Variants in NPC1 observed in about 807,000 individuals in gnomAD.
The protein encoded by NPC1 is NPC intracellular cholesterol transporter 1.
In NPC1, 85 loss-of-function variants were observed where a neutral mutation model predicts 140.4. That is an observed-to-expected ratio of 0.61 (90% CI 0.51 to 0.72). The LOEUF is 0.72. Ranked by LOEUF, NPC1 falls within the 30% of genes least tolerant of loss-of-function variation. The pLI, the probability that NPC1 is intolerant of heterozygous loss-of-function variation, is 0.00. For missense variants in NPC1, 1,504 were observed against 1,623.8 expected, an observed-to-expected ratio of 0.93 and a Z score of 1.27; for synonymous variants, 656 against 624.8, an observed-to-expected ratio of 1.05 and a Z score of -0.74.
Position 23,563,682 on chromosome 18 carries a change from G to A in NPC1, c.464-2155C>T, listed in dbSNP as rs114105717. Among the ~76,000 whole-genome samples the A allele has an allele frequency of 4.4e-3, 674 of 152,194 alleles. 4 individuals are homozygous for A. The highest frequency in any genetic ancestry group is 0.016 in the African/African-American group (645 of 41,514). On this transcript the variant is annotated intron_variant, in intron 4 of 24. Coordinates refer to ENST00000269228, the MANE Select transcript of NPC1 (RefSeq NM_000271.5). ...ACCTGCCTTGGCCGTCCGAAGTGCTGGATTATAGGCATGAGCCACTGTGCC... is the reference window on the plus strand; with the variant it reads ...ACCTGCCTTGGCCGTCCGAAGTGCTAGATTATAGGCATGAGCCACTGTGCC...
intron 10 of NPC1, among the ~76,000 whole-genome samples, chr18:23,550,085 T>C (rs2145425913): frequency 6.6e-6 from 1 of 150,460 alleles, no homozygotes; most frequent in African/African-American, 2.4e-5. Context: ...CAATCTCGCT[T>C]ACTGCAGCCT....
At chr18:23,523,819 T>A (rs73390299) in intron 1 of NPC1, among the ~76,000 whole-genome samples, 3,792 of 152,268 alleles carry the variant, frequency 0.025, 156 homozygotes, top group African/African-American at 0.085. Context: ...CAAGTAAATT[T>A]CTCAGTTCCT....
chr18:23,544,582 T>G (rs1202484749), intron 12 of NPC1, 56 bp from the exon 13 acceptor site: 1 of 1,530,692 alleles, frequency 6.5e-7, no homozygotes, highest in Non-Finnish European at 9.0e-7. Context: ...CTGTCCCACT[T>G]GTTACTAAAA....
chr18:23,524,587 C>T, downstream of NPC1: 2 of 1,178,410 alleles, frequency 1.7e-6, no homozygotes, highest in South Asian at 2.6e-5. Context: ...AGAAATGACC[C>T]CTCCTTTCAA....
At chr18:23,533,999 AAACTT>A (rs1240297970) in intron 23 of NPC1, 3 of 317,586 alleles carry the variant, frequency 9.4e-6, no homozygotes, top group Non-Finnish European at 1.8e-5. Flanking sequence ...TCTCAGGTGA[AAACTT>A]AAATATTTAA....
chr18:23,571,938 T>C (rs1006495253), intron 3 of NPC1, 136 bp downstream of exon 3: 2 of 305,434 alleles, frequency 6.5e-6, no homozygotes, highest in African/African-American at 4.5e-5. Flanking sequence ...TACATATATG[T>C]ATAAATATAT....
chr18:23,551,457 T>C, intron 10 of NPC1, 170 bp downstream of exon 10: 1 of 692,040 alleles, frequency 1.4e-6, no homozygotes, highest in Non-Finnish European at 2.6e-6. Context: ...CTTTTAAATC[T>C]GGAATGAAAC....
chr18:23,551,695 A>G lies in NPC1; in HGVS notation c.1586T>C (p.Leu529Pro). Reference sequence around the variant, plus strand: ...AAACGTACCCAGACAAGGGTCATGGAGCAAACTTGTATCATTCAGAGAGGC... The same window carrying G: ...AAACGTACCCAGACAAGGGTCATGGGGCAAACTTGTATCATTCAGAGAGGC... ...APASLNDTSL[L>P]HDPCLGTFGG... is the part of the protein sequence containing the mutation. The change falls in exon 10 of 25, where the codon CTC (leucine) becomes CCC (proline). Residue 529 changes from leucine (L) to proline (P), a missense_variant. By Grantham distance (98) the Leu-to-Pro change is moderately conservative. Transcript: ENST00000269228. The G allele has an allele frequency of 1.2e-6, 2 of 1,614,226 alleles. No individual in the cohort carries two copies. Among genetic ancestry groups the G allele is most frequent in the Non-Finnish European group, 1.7e-6 (2 of 1,180,028 alleles).
At chr18:23,573,978 GTTAA>G (rs2059239549) in intron 1 of NPC1, among the ~76,000 whole-genome samples, 2 of 151,964 alleles carry the variant, frequency 1.3e-5, no homozygotes, top group Admixed American at 1.3e-4. Flanking sequence ...ATGTATTTAG[GTTAA>G]TTAATATCAA....
At chr18:23,552,120 G>C (rs2058881627) in intron 9 of NPC1, among the ~76,000 whole-genome samples, 2 of 152,164 alleles carry the variant, frequency 1.3e-5, no homozygotes, top group Admixed American at 1.3e-4. Flanking sequence ...AGGAAAAAGG[G>C]AGGGAGAGAG....
At chr18:23,515,728 T>G in intron 3 of NPC1, 1 of 1,054,310 alleles carries the variant, frequency 9.5e-7, no homozygotes, top group Non-Finnish European at 1.4e-6. Context: ...AGATGGGGTT[T>G]TACCATTTTG....
At position 23,557,148 on chromosome 18, in the gene NPC1, A is replaced by G; in HGVS notation, c.924T>C (p.Asn308=). 3 of 1,613,832 alleles carry G rather than the reference A, an allele frequency of 1.9e-6. No homozygotes were observed. Among genetic ancestry groups the G allele is most frequent in the Non-Finnish European group, 2.5e-6 (3 of 1,179,864 alleles). The part of the protein sequence containing the change: ...FVSEYTPIDS[N]IAFSVNASDK... The stretch of plus-strand genomic sequence containing the variant: ...CACTTGCATTAACAGAAAAAGCTAT[A>G]TTGCTATCGATGGGAGTGTACTCGG... Residue 308 remains asparagine, a synonymous_variant, in exon 7 of 25, where the codon AAT becomes AAC. Coordinates refer to ENST00000269228, the MANE Select transcript of NPC1 (RefSeq NM_000271.5).
chr18:23,560,089 T>C, intron 6 of NPC1, 142 bp downstream of exon 6: 1 of 972,452 alleles, frequency 1.0e-6, no homozygotes, highest in Non-Finnish European at 1.6e-6. Context: ...AGAATAGCTG[T>C]AGGACACAAT....
intron 1 of NPC1, chr18:23,576,528 C>G: frequency 1.0e-6 from 1 of 1,004,806 alleles, no homozygotes. Flanking sequence ...AAATGCTCTT[C>G]ACATTGTGTC....
intron 3 of NPC1, among the ~76,000 whole-genome samples, chr18:23,569,913 G>A (rs748151723): frequency 2.6e-5 from 4 of 152,088 alleles, no homozygotes; most frequent in Non-Finnish European, 4.4e-5. Flanking sequence ...TTTTCCCTTT[G>A]GTCCACTGTT....
chr18:23,560,386 G>A lies in NPC1; in HGVS notation c.726C>T (p.Asp242=). The change falls in exon 6 of 25, where the codon GAC becomes GAT. Residue 242 remains aspartate, a synonymous_variant. Coordinates refer to ENST00000269228, the MANE Select transcript of NPC1 (RefSeq NM_000271.5). The stretch of plus-strand genomic sequence containing the variant: ...GCTTGGGGCCACAGACAATAGAGCA[G>A]TCTTGGCAGCTACATGGTGCTGTGA... ...DEVTAPCSCQ[D]CSIVCGPKPQ... 1 of 1,614,228 alleles carries A rather than the reference G, an allele frequency of 6.2e-7. No individual in the cohort carries two copies. The highest frequency in any genetic ancestry group is 8.5e-7 in the Non-Finnish European group (1 of 1,180,038).
chr18:23,541,180 A>C lies in NPC1; in HGVS notation c.2402T>G (p.Val801Gly). ...GCTTGTTCCATCTTCAGCACCTCTG[A>C]CACAGCAAAAGATGTCTAGCCGATT... ...EKNRLDIFCC[V>G]RGAEDGTSVQ... Residue 801 changes from valine (V) to glycine (G), a missense_variant, in exon 16 of 25, where the codon GTC becomes GGC. Coordinates refer to ENST00000269228, the MANE Select transcript of NPC1 (RefSeq NM_000271.5). The C allele has an allele frequency of 6.2e-7, 1 of 1,614,236 alleles. No individual in the cohort carries two copies. The highest frequency in any genetic ancestry group is 8.5e-7 in the Non-Finnish European group (1 of 1,180,032).
chr18:23,561,386 G>T lies in NPC1; in HGVS notation c.605C>A (p.Pro202His). Reference sequence around the variant, plus strand: ...TGAAAACACAGGAGTGATGGTAAAAGGTGCCTGTCCATTGTCCTTATTGAA... The same window carrying T: ...TGAAAACACAGGAGTGATGGTAAAATGTGCCTGTCCATTGTCCTTATTGAA... ...YMFNKDNGQAPFTITPVFSDF... is the reference protein window; with the variant it reads ...YMFNKDNGQAHFTITPVFSDF... Residue 202 changes from proline (P) to histidine (H), a missense_variant, in exon 5 of 25, where the codon CCT (proline) becomes CAT (histidine). Pro to His is a moderately conservative substitution (Grantham distance 77). Transcript: ENST00000269228. 1.2e-6 allele frequency: 2 copies of T among 1,614,212 alleles called. No homozygotes were observed. The highest frequency in any genetic ancestry group is 1.7e-6 in the Non-Finnish European group (2 of 1,180,034).
intron 3 of NPC1, chr18:23,516,298 A>G: frequency 6.2e-7 from 1 of 1,611,600 alleles, no homozygotes; most frequent in South Asian, 1.1e-5. Flanking sequence ...AGCTTTTCCT[A>G]AAACATTTTC....
Sources: allele counts gnomAD v4.1 joint callset (sites outside exome capture counted in the v4.1 genomes callset), GRCh38; gene constraint gnomAD v4.1.1; transcripts MANE v1.5; gene names NCBI Gene and HGNC (gene_info 2026-07-23, HGNC 2026-07-21).